Variants in NCOR2 observed in about 807,000 individuals in gnomAD.
NCOR2 encodes the protein CTG repeat protein 26.
A neutral mutation model predicts 262.9 loss-of-function variants in NCOR2; 81 were observed. The ratio of observed to expected loss-of-function variants is 0.31; its 90% CI spans 0.26 to 0.37. The LOEUF (loss-of-function observed/expected upper bound fraction) is 0.37. Ranked by LOEUF, NCOR2 falls within the 10% of genes least tolerant of loss-of-function variation. NCOR2 has a pLI of 1.00. For synonymous variants in NCOR2, 1,659 were observed against 1,559.3 expected (o/e 1.06, Z -1.51); for missense variants, 3,385 against 3,621.4 (o/e 0.93, Z 1.68).
exon 27 of NCOR2, chr12:124,354,122 C>T (rs758335588): frequency 9.9e-6 from 16 of 1,610,130 alleles, no homozygotes; most frequent in African/African-American, 9.3e-5. Context: ...TATGTGATGG[C>T]GCTGTCCGAG....
intron 18 of NCOR2, among the ~76,000 whole-genome samples, chr12:124,375,697 C>A (rs781321163): frequency 6.6e-6 from 1 of 152,198 alleles, no homozygotes; most frequent in African/African-American, 2.4e-5. Flanking sequence ...TCACCAAATG[C>A]GCCTTGGATA....
At position 124,457,638 on chromosome 12, in the gene NCOR2, C is replaced by A. The variant is rs2045951805; in HGVS notation, c.706-476G>T. Among the ~76,000 whole-genome samples the A allele has an allele frequency of 1.3e-5, 2 of 152,140 alleles. No homozygotes were observed. Among genetic ancestry groups the A allele is most frequent in the Non-Finnish European group, 2.9e-5 (2 of 68,016 alleles). ...GGTGAGATAGAGGCGCTCGGAGATA[C>A]CCTTTCTAGGATTCTTGTGTTTCAC... On this transcript the variant is annotated intron_variant, in intron 5 of 46. Coordinates refer to ENST00000405201, the Ensembl canonical transcript of NCOR2. This position sits in a 1 kb window ranked among gnomAD's most constrained non-coding sequence, Gnocchi z 4.0.
At chr12:124,398,550 G>C (rs1401808453) in intron 15 of NCOR2, among the ~76,000 whole-genome samples, 4 of 152,214 alleles carry the variant, frequency 2.6e-5, no homozygotes, top group African/African-American at 9.6e-5. Flanking sequence ...CACTCTGTTG[G>C]GAAAGGGGTC....
chr12:124,341,007 A>G (rs2036410850), intron 34 of NCOR2, among the ~76,000 whole-genome samples: 1 of 152,148 alleles, frequency 6.6e-6, no homozygotes, highest in African/African-American at 2.4e-5. Flanking sequence ...ACTGGTTCCC[A>G]TCTCAGGCCC....
At chr12:124,394,676 G>T (rs552061535) in intron 16 of NCOR2, among the ~76,000 whole-genome samples, 1 of 152,140 alleles carries the variant, frequency 6.6e-6, no homozygotes, top group Non-Finnish European at 1.5e-5. Flanking sequence ...GCAGGCAGGC[G>T]CCAGGGGCTG....
intron 1 of NCOR2, among the ~76,000 whole-genome samples, chr12:124,532,554 C>T (rs1380542456): frequency 6.6e-6 from 1 of 152,220 alleles, no homozygotes. Context: ...GTCTGTCTGC[C>T]TTCCCGGCCT....
intron 9 of NCOR2, 27 bp downstream of exon 11, chr12:124,430,588 G>A (rs2136350426): frequency 1.3e-6 from 2 of 1,585,136 alleles, no homozygotes; most frequent in East Asian, 4.5e-5. Flanking sequence ...CCTGACGTCG[G>A]GGGCCCTGGG....
At chr12:124,428,542 G>A (rs1433436585) in intron 10 of NCOR2, among the ~76,000 whole-genome samples, 1 of 152,128 alleles carries the variant, frequency 6.6e-6, no homozygotes, top group East Asian at 1.9e-4. Context: ...CCTCCCTGGG[G>A]CCCCTTCCAT....
chr12:124,326,378 G>T lies in NCOR2; in HGVS notation c.7184-8C>A. The stretch of plus-strand genomic sequence containing the variant: ...TGGCCTTCCCGCCGCCACCTGCAGG[G>T]GGACAAGATGGGAAGGGGCTGCGTT... On this transcript the variant is annotated splice_region_variant and splice_polypyrimidine_tract_variant and intron_variant, in intron 45 of 46. Coordinates refer to ENST00000405201, the Ensembl canonical transcript of NCOR2. 1.3e-6 allele frequency: 2 copies of T among 1,484,894 alleles called. No homozygotes were observed. Among genetic ancestry groups the T allele is most frequent in the South Asian group, 1.3e-5 (1 of 74,624 alleles). The allele number at this position is 1,484,894 out of a possible 1,614,324, so 92.0% of individuals were successfully genotyped here. A position where few individuals can be genotyped will look rare whatever the true frequency, so the allele number is the denominator to read the frequency against.
chr12:124,326,823 C>T (rs2034696756), intron 45 of NCOR2, among the ~76,000 whole-genome samples: 1 of 151,946 alleles, frequency 6.6e-6, no homozygotes, highest in South Asian at 2.1e-4. Flanking sequence ...CTTGGGGCCT[C>T]AGTGTCCAGG....
intron 5 of NCOR2, among the ~76,000 whole-genome samples, chr12:124,462,128 ACACACATAC>A (rs886116152): frequency 3.9e-5 from 6 of 152,080 alleles, no homozygotes; most frequent in Admixed American, 3.9e-4. Context: ...CGTGTATCTA[ACACACATAC>A]CACACATACA....
upstream of NCOR2, among the ~76,000 whole-genome samples, chr12:124,496,838 T>A (rs898763369): frequency 6.7e-6 from 1 of 150,258 alleles, no homozygotes; most frequent in Non-Finnish European, 1.5e-5. The surrounding 1 kb of genome is among the most constrained non-coding windows in gnomAD (Gnocchi z 4.4). Flanking sequence ...TGTGACCCAA[T>A]AGGAGTCAAT....
intron 16 of NCOR2, among the ~76,000 whole-genome samples, chr12:124,394,327 G>A (rs2041518549): frequency 6.6e-6 from 1 of 152,212 alleles, no homozygotes; most frequent in Non-Finnish European, 1.5e-5. Context: ...GGGGGCTAAG[G>A]AGCTGCTTGT....
intron 20 of NCOR2, among the ~76,000 whole-genome samples, chr12:124,364,531 C>T (rs1333184718): frequency 6.6e-6 from 1 of 152,258 alleles, no homozygotes; most frequent in East Asian, 1.9e-4. Context: ...GTCCCTTCCT[C>T]TGTCTGCTAC....
At chr12:124,434,634 C>T (rs569545088) in intron 8 of NCOR2, among the ~76,000 whole-genome samples, 2 of 152,284 alleles carry the variant, frequency 1.3e-5, no homozygotes, top group East Asian at 1.9e-4. Flanking sequence ...CCTGCCCTCC[C>T]GAGAGGAGCC....
At chr12:124,416,694 CCCCGCGGCACAGATAGAA>C (rs1246196492) in intron 13 of NCOR2, among the ~76,000 whole-genome samples, 6 of 134,784 alleles carry the variant, frequency 4.5e-5, no homozygotes, top group African/African-American at 1.1e-4. Context: ...CACAGGGAGT[CCCCGCGGCACAGATAGAA>C]CCCGCGGCAC....
chr12:124,553,889 T>G (rs1444584607), intron 1 of NCOR2, among the ~76,000 whole-genome samples: 2 of 152,170 alleles, frequency 1.3e-5, no homozygotes. Context: ...GAGCCCGAGC[T>G]GCATGCGCCC....
chr12:124,354,663 G>A (rs2037800077), intron 25 of NCOR2, 81 bp from the exon 28 acceptor site: 2 of 1,378,290 alleles, frequency 1.5e-6, no homozygotes, highest in Non-Finnish European at 1.9e-6. Flanking sequence ...CCTGAGCCAG[G>A]GGCTGGGAAG....
chr12:124,326,304 C>A (rs2034634367), exon 46 of NCOR2: 2 of 1,560,744 alleles, frequency 1.3e-6, no homozygotes, highest in Non-Finnish European at 8.6e-7. Context: ...AGATGCCAGG[C>A]CCGGGGCCGG....
Sources: gnomAD v4.1 joint callset for allele counts (sites outside exome capture counted in the v4.1 genomes callset) on GRCh38, gnomAD v4.1.1 for gene constraint, Gnocchi (gnomAD v3.1) non-coding constraint, MANE v1.5 for transcripts, NCBI Gene and HGNC (gene_info 2026-07-23, HGNC 2026-07-21) for gene names.